Variants in DDHD2 observed in about 807,000 individuals in gnomAD.
DDHD2 encodes the protein triacylglycerol hydrolase DDHD2.
Under a neutral mutation model 91.2 loss-of-function variants are expected in DDHD2, and 62 were observed. The ratio of observed to expected loss-of-function variants is 0.68; its 90% CI spans 0.55 to 0.84. The LOEUF (loss-of-function observed/expected upper bound fraction) is 0.84. Ranked by LOEUF, DDHD2 falls within the 40% of genes least tolerant of loss-of-function variation. The probability of loss-of-function intolerance (pLI) is 0.00; values close to 1 mark genes in which losing one functional copy is unlikely to be tolerated. For synonymous variants in DDHD2, 271 were observed against 293.9 expected (o/e 0.92, Z 0.80); for missense variants, 740 against 846.9 (o/e 0.87, Z 1.57).
At position 38,249,806 on chromosome 8, in the gene DDHD2, A is replaced by G. The variant is rs1490036575; in HGVS notation, c.1344+3A>G. ...TCAGCACCAGAAAAAACTCAATGGT[A>G]TGTGCCTAATACAGCTTGTTGGACT... On this transcript the variant is annotated splice_donor_region_variant and intron_variant, in intron 11 of 17. Transcript: ENST00000397166. 2 of 1,577,052 alleles carry G rather than the reference A, an allele frequency of 1.3e-6. No individual in the cohort carries two copies. The highest frequency in any genetic ancestry group is 1.4e-5 in the African/African-American group (1 of 74,048).
intron 5 of DDHD2, among the ~76,000 whole-genome samples, chr8:38,239,934 A>C (rs1249498067): frequency 6.6e-6 from 1 of 151,646 alleles, no homozygotes; most frequent in African/African-American, 2.4e-5. Context: ...CGTGTTGGTC[A>C]GGCTGGTCTC....
downstream of DDHD2, chr8:38,272,203 C>T (rs1433098186): frequency 6.6e-6 from 1 of 152,190 alleles, no homozygotes; most frequent in Non-Finnish European, 1.5e-5. Flanking sequence ...AGTCCCCCTG[C>T]CTCCATTACT....
In DDHD2 at chr8:38,234,539, CAAT is replaced by C; in HGVS notation, c.369_371del (p.Asn123del). ...CGTGGTTTTACAAGGGGGACAAAGA[CAAT>C]AAGTATGTTCCCTACTCGGAGAGCT... is the stretch of plus-strand genomic sequence containing the variant. On this transcript the variant is annotated inframe_deletion, in exon 3 of 18. Coordinates refer to ENST00000397166, the MANE Select transcript of DDHD2 (RefSeq NM_015214.3). The C allele has an allele frequency of 6.2e-7, 1 of 1,612,616 alleles. No homozygotes were observed. The highest frequency in any genetic ancestry group is 8.5e-7 in the Non-Finnish European group (1 of 1,179,766).
chr8:38,256,277 TTTG>T (rs985278801), intron 16 of DDHD2, among the ~76,000 whole-genome samples: 4 of 152,268 alleles, frequency 2.6e-5, no homozygotes, highest in African/African-American at 9.6e-5. Flanking sequence ...AGTATATACT[TTTG>T]TTGTTTGGCG....
downstream of DDHD2, chr8:38,271,780 T>C (rs1259310997): frequency 6.6e-6 from 1 of 152,220 alleles, no homozygotes; most frequent in African/African-American, 2.4e-5. Context: ...TATGGAAGTA[T>C]AGAATGTCAG....
chr8:38,267,214 A>AAAT, downstream of DDHD2: 1 of 1,613,670 alleles, frequency 6.2e-7, no homozygotes, highest in Non-Finnish European at 8.5e-7. Context: ...TTTCTAGGTT[A>AAAT]AATTCAATGA....
chr8:38,234,599 CT>C lies in DDHD2; in HGVS notation c.411+22del, dbSNP rs1256932947. ...AAGTTTTAGAGGTATTCTTTTGACT[CT>C]TTTTTTACTTATTCTTTCTTTCTCT... On this transcript the variant is annotated intron_variant, in intron 3 of 17. Transcript: ENST00000397166. 18 of 1,548,134 alleles carry C rather than the reference CT, an allele frequency of 1.2e-5. No homozygotes were observed. The highest frequency in any genetic ancestry group is 1.4e-5 in the African/African-American group (1 of 71,740).
rs938405589 is a variant in DDHD2 at position 38,261,742 on chromosome 8, A to T, written c.*1169A>T. 6.6e-6 allele frequency: 1 copy of T among 152,142 alleles called. No individual in the cohort carries two copies. Among genetic ancestry groups the T allele is most frequent in the Non-Finnish European group, 1.5e-5 (1 of 68,016 alleles). The allele number at this position is 152,142 out of a possible 1,614,324, so 9.4% of individuals were successfully genotyped here. The stretch of plus-strand genomic sequence containing the variant: ...AGGTTTACTTCTAAGAACACAAGTG[A>T]CTGCACACTAATTTTGTCAAGGCAT... On this transcript the variant is annotated 3_prime_UTR_variant, in exon 18 of 18. Transcript: ENST00000397166.
At chr8:38,234,298 TG>T in intron 2 of DDHD2, 95 bp from the exon 3 acceptor site, 1 of 886,540 alleles carries the variant, frequency 1.1e-6, no homozygotes. Flanking sequence ...TTCATTCATG[TG>T]TTTCATAACA....
At chr8:38,263,637 A>G, downstream of DDHD2, 1 of 985,450 alleles carries the variant, frequency 1.0e-6, no homozygotes, top group Non-Finnish European at 1.2e-6. Context: ...AAATTACCCT[A>G]GATTCGACAT....
intron 9 of DDHD2, 65 bp downstream of exon 9, chr8:38,246,365 CT>C: frequency 7.5e-7 from 1 of 1,325,088 alleles, no homozygotes; most frequent in Non-Finnish European, 1.1e-6. Flanking sequence ...AGATTTTAGA[CT>C]TATTTTTTGT....
rs749768040 is a variant in DDHD2, at chr8:38,247,764, G to T, written c.1177G>T (p.Asp393Tyr). The change falls in exon 10 of 18, where the codon GAT (aspartate) becomes TAT (tyrosine). Residue 393 changes from aspartate to tyrosine, a missense_variant. This residue lies in a region of DDHD2 where 693 missense variants were observed against 764.2 expected (regional missense o/e 0.91). Transcript: ENST00000397166. ...DQGDTPTLEE[D>Y]LKKLQLSEFF... ...AGGAGATACACCTACACTAGAGGAA[G>T]ATTTGAAGAAACTTCAGCTCTCTGA... is the stretch of plus-strand genomic sequence containing the variant. 6.3e-6 allele frequency: 10 copies of T among 1,580,342 alleles called. No individual in the cohort carries two copies. In the East Asian group the frequency reaches 2.0e-4, roughly 32 times the overall value.
downstream of DDHD2, chr8:38,267,054 A>C (rs1475690355): frequency 1.4e-6 from 2 of 1,422,870 alleles, no homozygotes; most frequent in African/African-American, 2.9e-5. Context: ...TTAAATGTGC[A>C]AATCTCATGA....
At chr8:38,266,139 A>G (rs745361281), downstream of DDHD2, 1 of 1,613,856 alleles carries the variant, frequency 6.2e-7, no homozygotes. Flanking sequence ...TACTTTGCTT[A>G]CCTTGCCAGT....
chr8:38,264,229 C>A, downstream of DDHD2: 1 of 822,496 alleles, frequency 1.2e-6, no homozygotes, highest in Non-Finnish European at 1.6e-6. Flanking sequence ...CTCACTGGAA[C>A]CTCCAGCTCC....
downstream of DDHD2, chr8:38,263,982 CAA>C (rs1281799685): frequency 3.0e-6 from 3 of 985,686 alleles, no homozygotes; most frequent in Non-Finnish European, 1.2e-6. Flanking sequence ...CGTAACTCCT[CAA>C]GATAGATGAG....
intron 9 of DDHD2, 66 bp downstream of exon 9, chr8:38,246,366 T>G: frequency 7.7e-7 from 1 of 1,295,900 alleles, no homozygotes; most frequent in African/African-American, 1.5e-5. Context: ...GATTTTAGAC[T>G]TATTTTTTGT....
At chr8:38,266,481 A>G (rs1043073955), downstream of DDHD2, 15 of 592,668 alleles carry the variant, frequency 2.5e-5, no homozygotes, top group South Asian at 3.0e-4. Context: ...GCTCACTGCA[A>G]CCTCCACCAC....
At chr8:38,256,414 A>G (rs1475894507) in intron 16 of DDHD2, among the ~76,000 whole-genome samples, 1 of 151,992 alleles carries the variant, frequency 6.6e-6, no homozygotes, top group Non-Finnish European at 1.5e-5. Context: ...GGATCCTCTT[A>G]GGCTCAAGGG....
Sources: allele counts gnomAD v4.1 joint callset (sites outside exome capture counted in the v4.1 genomes callset), GRCh38; gene constraint gnomAD v4.1.1; regional missense constraint gnomAD v4.1.1; transcripts MANE v1.5; gene names NCBI Gene and HGNC (gene_info 2026-07-23, HGNC 2026-07-21).